The following SELENOO variants were observed in gnomAD, a reference collection of about 807,000 sequenced individuals.
SELENOO encodes protein adenylyltransferase SelO, mitochondrial.
In SELENOO, 74 loss-of-function variants were observed where a neutral mutation model predicts 58.7. The observed-to-expected ratio is 1.26, with a 90% CI of 1.04 to 1.53. SELENOO has a LOEUF of 1.53. Among genes scored for constraint, SELENOO ranks in the 40% most tolerant of loss-of-function variants. The probability of loss-of-function intolerance (pLI) is 0.00; values close to 1 mark genes in which losing one functional copy is unlikely to be tolerated. For synonymous variants in SELENOO, 543 were observed against 453.2 expected (o/e 1.20, Z -2.52); for missense variants, 1,149 against 970.0 (o/e 1.18, Z -2.45).
chr22:50,210,958 G>C (rs767281453), intron 5 of SELENOO, 47 bp downstream of exon 5: 16 of 1,606,968 alleles, frequency 1.0e-5, no homozygotes, highest in Non-Finnish European at 1.4e-5. Context: ...CCGTGCTGTT[G>C]TGCTTAGAGA....
Position 50,201,028 on chromosome 22 carries a change from G to T in SELENOO, c.-9G>T. Reference sequence around the variant, plus strand: ...GGCAGGCTGGCTTCCGGCGGGAGCGGGGCCGCGGATGGCCGTATACAGGGC... The same window carrying T: ...GGCAGGCTGGCTTCCGGCGGGAGCGTGGCCGCGGATGGCCGTATACAGGGC... On this transcript the variant is annotated 5_prime_UTR_variant, in exon 1 of 9. Transcript: ENST00000380903. 1 of 1,262,608 alleles carries T rather than the reference G, an allele frequency of 7.9e-7. No homozygotes were observed. The allele number at this position is 1,262,608 out of a possible 1,614,324, so 78.2% of individuals were successfully genotyped here.
chr22:50,210,830 A>C lies in SELENOO; in HGVS notation c.1270A>C (p.Arg424=). 1 of 1,614,120 alleles carries C rather than the reference A, an allele frequency of 6.2e-7. No homozygotes were observed. Among genetic ancestry groups the C allele is most frequent in the Non-Finnish European group, 8.5e-7 (1 of 1,180,030 alleles). ...FQRHYLQKMR[R]KLGLVQVELE... ...AAGGCACTACCTGCAGAAGATGCGC[A>C]GGAAGCTGGGCCTCGTGCAGGTGGA... The change falls in exon 5 of 9, where the codon AGG becomes CGG. Residue 424 remains arginine (R), a synonymous_variant. Coordinates refer to ENST00000380903, the MANE Select transcript of SELENOO (RefSeq NM_031454.2).
At position 50,210,684 on chromosome 22, in the gene SELENOO, A is replaced by G; in HGVS notation, c.1124A>G (p.Tyr375Cys). The stretch of plus-strand genomic sequence containing the variant: ...TCCGACAACACCGGCCGCTACGCGT[A>G]CAGCAAGCAGCCCGAGGTGTGCAGG... ...NASDNTGRYA[Y>C]SKQPEVCRWN... Residue 375 changes from tyrosine to cysteine, a missense_variant, in exon 5 of 9, where the codon TAC (tyrosine) becomes TGC (cysteine). Tyr to Cys is a radical substitution (Grantham distance 194). Transcript: ENST00000380903. 2.5e-6 allele frequency: 4 copies of G among 1,613,280 alleles called. No individual in the cohort carries two copies. Among genetic ancestry groups the G allele is most frequent in the Non-Finnish European group, 3.4e-6 (4 of 1,179,978 alleles).
At position 50,210,360 on chromosome 22, in the gene SELENOO, T is replaced by C. The variant is rs199572928; in HGVS notation, c.1070+49T>C. The C allele has an allele frequency of 1.0e-3, 1,667 of 1,587,874 alleles. 14 individuals carry two copies. The African/African-American group carries it at 0.02, about 19-fold the overall frequency. ...AAGTGCAGGCCCCAGGGCTGGGGGG[T>C]GCGGGCTGCATGAAACCTGCTGCCC... On this transcript the variant is annotated intron_variant, in intron 4 of 8. Coordinates refer to ENST00000380903, the MANE Select transcript of SELENOO (RefSeq NM_031454.2).
chr22:50,214,936 C>T (rs2064395293), intron 5 of SELENOO, among the ~76,000 whole-genome samples: 1 of 152,220 alleles, frequency 6.6e-6, no homozygotes, highest in African/African-American at 2.4e-5. Context: ...CTTTGCCAAT[C>T]TGCCTTTTGT....
chr22:50,217,294 G>T lies in SELENOO; in HGVS notation c.1935G>T (p.Ala645=), dbSNP rs148419153. Residue 645 remains alanine (A), a synonymous_variant, in exon 9 of 9, where the codon GCG becomes GCT. Coordinates refer to ENST00000380903, the MANE Select transcript of SELENOO (RefSeq NM_031454.2). The part of the protein sequence containing the change: ...TDAEATEADG[A]DGRQRSYSSK... Reference sequence around the variant, plus strand: ...CCGAGGCCACGGAAGCCGACGGGGCGGACGGCAGGCAGCGCTCCTACAGCA... The same window carrying T: ...CCGAGGCCACGGAAGCCGACGGGGCTGACGGCAGGCAGCGCTCCTACAGCA... 6.2e-6 allele frequency: 10 copies of T among 1,612,586 alleles called. No homozygotes were observed. In the Admixed American group the frequency reaches 1.2e-4, roughly 19 times the overall value.
rs2147161089 is a variant in SELENOO, at chr22:50,208,557, T to A, written c.780T>A (p.Phe260Leu). 6.2e-7 allele frequency: 1 copy of A among 1,613,624 alleles called. No individual in the cohort carries two copies. Among genetic ancestry groups the A allele is most frequent in the East Asian group, 2.2e-5 (1 of 44,868 alleles). The change falls in exon 3 of 9, where the codon TTT becomes TTA. Residue 260 changes from phenylalanine to leucine, a missense_variant. By Grantham distance (22) the Phe-to-Leu change is conservative. Coordinates refer to ENST00000380903, the MANE Select transcript of SELENOO (RefSeq NM_031454.2). ...CCAGGTTTGGATCCTTTGAGATTTT[T>A]AAGTCTGCAGATGAGCACACAGGGC... is the stretch of plus-strand genomic sequence containing the variant. ...TFIRFGSFEIFKSADEHTGRA... is the reference protein window; with the variant it reads ...TFIRFGSFEILKSADEHTGRA...
At chr22:50,212,124 G>T (rs908980846) in intron 5 of SELENOO, among the ~76,000 whole-genome samples, 2 of 152,228 alleles carry the variant, frequency 1.3e-5, no homozygotes, top group African/African-American at 4.8e-5. Flanking sequence ...GTTTGGCTTT[G>T]ATGTCAAGGT....
intron 1 of SELENOO, 82 bp from the exon 2 acceptor site, chr22:50,206,235 T>C: frequency 7.9e-7 from 1 of 1,271,034 alleles, no homozygotes; most frequent in Non-Finnish European, 1.1e-6. Flanking sequence ...ACGCGTTCCC[T>C]CCTTTCCATG....
Position 50,210,681 on chromosome 22 carries a change from C to A in SELENOO, c.1121C>A (p.Ala374Glu). Reference protein sequence around the residue: ...CNASDNTGRYAYSKQPEVCRW... With the variant: ...CNASDNTGRYEYSKQPEVCRW... ...GCCTCCGACAACACCGGCCGCTACGCGTACAGCAAGCAGCCCGAGGTGTGC... is the reference window on the plus strand; with the variant it reads ...GCCTCCGACAACACCGGCCGCTACGAGTACAGCAAGCAGCCCGAGGTGTGC... The change falls in exon 5 of 9, where the codon GCG becomes GAG. Residue 374 changes from alanine (A) to glutamate (E), a missense_variant. By Grantham distance (107) the Ala-to-Glu change is moderately radical. Coordinates refer to ENST00000380903, the MANE Select transcript of SELENOO (RefSeq NM_031454.2). The A allele has an allele frequency of 1.2e-6, 2 of 1,613,276 alleles. No homozygotes were observed. The highest frequency in any genetic ancestry group is 1.1e-5 in the South Asian group (1 of 91,084).
intron 6 of SELENOO, 129 bp from the exon 7 acceptor site, chr22:50,216,562 G>C: frequency 1.2e-6 from 1 of 847,510 alleles, no homozygotes; most frequent in Non-Finnish European, 1.8e-6. Context: ...AGGGACCTCG[G>C]GGACCGGGCT....
At position 50,217,126 on chromosome 22, in the gene SELENOO, G is replaced by A. The variant is rs540758475; in HGVS notation, c.1843G>A (p.Glu615Lys). ...IEAAERGDFS[E>K]VRRVLKLLET... The stretch of plus-strand genomic sequence containing the variant: ...GGCTGCCGAGCGCGGGGACTTCTCA[G>A]AGGCAAGCACACGCCTGTCCCTGTG... The change falls in exon 8 of 9, where the codon GAG (glutamate) becomes AAG (lysine). Residue 615 changes from glutamate to lysine, a missense_variant and splice_region_variant. Physicochemically the swap from Glu to Lys is moderately conservative, Grantham distance 56. Transcript: ENST00000380903. The A allele has an allele frequency of 3.1e-6, 5 of 1,612,842 alleles. No individual in the cohort carries two copies. In the South Asian group the frequency reaches 4.4e-5, roughly 14 times the overall value.
intron 4 of SELENOO, 82 bp downstream of exon 4, chr22:50,210,393 C>T: frequency 2.6e-6 from 4 of 1,538,180 alleles, no homozygotes; most frequent in Non-Finnish European, 3.5e-6. Flanking sequence ...CCCCCAGGCA[C>T]TGGCCCGTGA....
chr22:50,203,997 GAAAA>G (rs886654251), intron 1 of SELENOO, among the ~76,000 whole-genome samples: 1 of 151,382 alleles, frequency 6.6e-6, no homozygotes, highest in Non-Finnish European at 1.5e-5. Flanking sequence ...TCAGCAACAG[GAAAA>G]AAAAATTCAA....
In SELENOO at chr22:50,213,991, A is replaced by C. The variant is rs145587659; in HGVS notation, c.1352-1726A>C. 3.9e-3 allele frequency among the ~76,000 whole-genome samples: 599 copies of C among 151,976 alleles called. 6 individuals carry two copies. Among genetic ancestry groups the C allele is most frequent in the African/African-American group, 0.013 (557 of 41,436 alleles). The stretch of plus-strand genomic sequence containing the variant: ...ATTAAGTGGTGTGTTTAAGTCTCCA[A>C]CTCTTACTATAGATAGAACTGTTTG... On this transcript the variant is annotated intron_variant, in intron 5 of 8. Transcript: ENST00000380903.
chr22:50,215,893 G>A, intron 6 of SELENOO, 26 bp downstream of exon 6: 1 of 1,566,442 alleles, frequency 6.4e-7, no homozygotes. Context: ...CTACTTCTTT[G>A]GATTTGTTTC....
At chr22:50,216,054 A>G (rs1490926788) in intron 6 of SELENOO, among the ~76,000 whole-genome samples, 187 bp downstream of exon 6, 1 of 152,070 alleles carries the variant, frequency 6.6e-6, no homozygotes, top group African/African-American at 2.4e-5. Context: ...GTCACAGAGT[A>G]GAGAGTGGCG....
intron 1 of SELENOO, 25 bp downstream of exon 1, chr22:50,201,615 C>A: frequency 3.2e-6 from 4 of 1,244,564 alleles, no homozygotes; most frequent in Non-Finnish European, 4.0e-6. Flanking sequence ...GCGAGGGGCG[C>A]GGGTGGGTCC....
Position 50,215,778 on chromosome 22 carries a change from A to C in SELENOO, c.1413A>C (p.Pro471=). The part of the protein sequence containing the change: ...LSSFPVELES[P]GLAEFLARLM... ...CCTTCCCAGTGGAGCTAGAGTCGCCAGGCCTGGCGGAATTCCTGGCCAGGC... is the reference window on the plus strand; with the variant it reads ...CCTTCCCAGTGGAGCTAGAGTCGCCCGGCCTGGCGGAATTCCTGGCCAGGC... The change falls in exon 6 of 9, where the codon CCA becomes CCC. Residue 471 remains proline (P), a synonymous_variant. Transcript: ENST00000380903. 6.2e-7 allele frequency: 1 copy of C among 1,612,312 alleles called. No homozygotes were observed. The highest frequency in any genetic ancestry group is 8.5e-7 in the Non-Finnish European group (1 of 1,179,034).
Sources: allele counts gnomAD v4.1 joint callset (sites outside exome capture counted in the v4.1 genomes callset), GRCh38; gene constraint gnomAD v4.1.1; transcripts MANE v1.5; gene names NCBI Gene and HGNC (gene_info 2026-07-23, HGNC 2026-07-21).